AHCTF1: variants seen among roughly 807,000 people sequenced by gnomAD.
AHCTF1 encodes AT-hook containing transcription factor 1.
Under a neutral mutation model 248.4 loss-of-function variants are expected in AHCTF1, and 24 were observed. That is an observed-to-expected ratio of 0.10 (90% CI 0.07 to 0.14). The LOEUF is 0.14. Ranked by LOEUF, AHCTF1 falls within the 10% of genes least tolerant of loss-of-function variation. The pLI is 1.00. For missense variants in AHCTF1, 2,206 were observed against 2,636.2 expected (o/e 0.84, Z 3.57); for synonymous variants, 786 against 929.8 (o/e 0.85, Z 2.81).
rs541446107 is a variant in AHCTF1 at position 246,901,828 on chromosome 1, C to G, written c.1117+697G>C. Among the ~76,000 whole-genome samples, 299 of 152,136 alleles carry G rather than the reference C, an allele frequency of 2.0e-3. 2 individuals carry two copies. Among genetic ancestry groups the G allele is most frequent in the Middle Eastern group, 3.4e-3 (1 of 292 alleles). On this transcript the variant is annotated intron_variant, in intron 8 of 35. Transcript: ENST00000648844. Reference sequence around the variant, plus strand: ...GGGCATCAGAGTGAGACCCCTGTCTCTAAATAAATAAACAAATAAAAACTT... The same window carrying G: ...GGGCATCAGAGTGAGACCCCTGTCTGTAAATAAATAAACAAATAAAAACTT...
chr1:246,869,246 A>G (rs745634334), intron 24 of AHCTF1, among the ~76,000 whole-genome samples: 23 of 151,974 alleles, frequency 1.5e-4, no homozygotes, highest in Non-Finnish European at 2.8e-4. Flanking sequence ...TCCACTGACT[A>G]ACTGTTCCCC....
chr1:246,851,754 C>G (rs1660733062), intron 32 of AHCTF1, among the ~76,000 whole-genome samples: 1 of 152,162 alleles, frequency 6.6e-6, no homozygotes, highest in African/African-American at 2.4e-5. Context: ...CATTTAAGGA[C>G]TTATTCTATT....
At chr1:246,866,167 T>C (rs972888051) in intron 26 of AHCTF1, among the ~76,000 whole-genome samples, 3 of 152,168 alleles carry the variant, frequency 2.0e-5, no homozygotes, top group African/African-American at 7.2e-5. Context: ...CTCAACTGGC[T>C]CTCTTACATC....
At position 246,931,436 on chromosome 1, in the gene AHCTF1, C is replaced by G. The variant is rs1667352509; in HGVS notation, c.-8+142G>C. ...CCCCTCGAGCCCCATCCGTTGGCCCCGCGCACGCCCGGCCTAGGCCCGGCG... is the reference window on the plus strand; with the variant it reads ...CCCCTCGAGCCCCATCCGTTGGCCCGGCGCACGCCCGGCCTAGGCCCGGCG... On this transcript the variant is annotated intron_variant, in intron 1 of 35. Transcript: ENST00000648844. 1.5e-5 allele frequency: 21 copies of G among 1,375,398 alleles called. No individual in the cohort carries two copies. The South Asian group carries it at 3.2e-4, about 21-fold the overall frequency. The allele number at this position is 1,375,398 out of a possible 1,614,324, so 85.2% of individuals were successfully genotyped here.
intron 33 of AHCTF1, among the ~76,000 whole-genome samples, chr1:246,845,137 C>T (rs7549408): frequency 0.18 from 26,935 of 152,136 alleles, 4,072 homozygotes; most frequent in African/African-American, 0.41. Context: ...GTTCATGTTA[C>T]TTCAGCTACT....
Position 246,885,659 on chromosome 1 carries a change from G to A in AHCTF1, c.2494C>T (p.His832Tyr), listed in dbSNP as rs765583218. ...DYESGLDLLF[H>Y]PATAKPLSWQ... ...GACAAAGGTTTTGCAGTAGCTGGAT[G>A]AAACAAAAGATCCAAACCACTCTGG... The change falls in exon 21 of 36, where the codon CAT (histidine) becomes TAT (tyrosine). Residue 832 changes from histidine (H) to tyrosine (Y), a missense_variant. Around this residue, in one of 6 missense-constraint regions of AHCTF1, gnomAD observed 650 missense variants for 870.8 expected, o/e 0.75. Coordinates refer to ENST00000648844, the MANE Select transcript of AHCTF1 (RefSeq NM_001323342.2). 5 of 1,599,138 alleles carry A rather than the reference G, an allele frequency of 3.1e-6. No homozygotes were observed. The highest frequency in any genetic ancestry group is 1.1e-5 in the South Asian group (1 of 90,572).
chr1:246,916,407 A>C lies in AHCTF1; in HGVS notation c.122-12T>G. On this transcript the variant is annotated splice_polypyrimidine_tract_variant and intron_variant, in intron 2 of 35. Transcript: ENST00000648844. ...AAGTCCATTTTTCCCTAGAAGAAAA[A>C]AAAATTGCCTATTTTAATATTGTAT... 6.2e-7 allele frequency: 1 copy of C among 1,601,400 alleles called. No individual in the cohort carries two copies. Among genetic ancestry groups the C allele is most frequent in the Non-Finnish European group, 8.5e-7 (1 of 1,175,588 alleles).
intron 1 of AHCTF1, among the ~76,000 whole-genome samples, chr1:246,928,406 A>T (rs1667104400): frequency 6.6e-6 from 1 of 152,174 alleles, no homozygotes; most frequent in Non-Finnish European, 1.5e-5. Context: ...TGGGCATTCG[A>T]CAAGGTCACA....
At chr1:246,890,621 C>T (rs902497956) in intron 16 of AHCTF1, among the ~76,000 whole-genome samples, 1 of 151,944 alleles carries the variant, frequency 6.6e-6, no homozygotes, top group Non-Finnish European at 1.5e-5. Flanking sequence ...TACCAGGAAA[C>T]AGGAAAACTG....
chr1:246,923,108 C>CAAAAAAAAAA (rs34474643), intron 1 of AHCTF1, among the ~76,000 whole-genome samples: 1 of 111,898 alleles, frequency 8.9e-6, no homozygotes. Flanking sequence ...CAAATAATAC[C>CAAAAAAAAAA]AAAAAAAAAA....
intron 29 of AHCTF1, 143 bp from the exon 30 acceptor site, chr1:246,857,957 C>CTTT (rs374963100): frequency 8.8e-6 from 4 of 454,920 alleles, no homozygotes; most frequent in South Asian, 3.1e-5. Flanking sequence ...ACTGCTAACA[C>CTTT]TTTCTTCTTT....
chr1:246,930,104 AAAAC>A (rs1667239274), intron 1 of AHCTF1, among the ~76,000 whole-genome samples: 1 of 151,944 alleles, frequency 6.6e-6, no homozygotes, highest in Non-Finnish European at 1.5e-5. Context: ...GCATAAAAAG[AAAAC>A]AAAAGTCTCA....
chr1:246,866,913 GATTAATCTGTA>G (rs1354600232), intron 26 of AHCTF1, among the ~76,000 whole-genome samples: 1 of 152,086 alleles, frequency 6.6e-6, no homozygotes, highest in Non-Finnish European at 1.5e-5. Flanking sequence ...AGCTACCCAA[GATTAATCTGTA>G]ATTAAGTATA....
Position 246,907,533 on chromosome 1 carries a change from GA to G in AHCTF1, c.764+17del. 1.2e-6 allele frequency: 2 copies of G among 1,605,274 alleles called. No homozygotes were observed. The highest frequency in any genetic ancestry group is 1.7e-5 in the Admixed American group (1 of 58,270). ...AAAAACTACCTATAATCAAATAAGG[GA>G]AAAAAGTTATACTTACTCTCTTTTC... On this transcript the variant is annotated intron_variant, in intron 5 of 35. Transcript: ENST00000648844.
intron 8 of AHCTF1, among the ~76,000 whole-genome samples, chr1:246,901,603 G>C (rs1438685372): frequency 6.6e-6 from 1 of 152,016 alleles, no homozygotes; most frequent in Non-Finnish European, 1.5e-5. Context: ...GACAGAGCGA[G>C]ACTCCATCTC....
intron 25 of AHCTF1, 110 bp downstream of exon 25, chr1:246,867,551 T>C (rs958991826): frequency 2.2e-6 from 3 of 1,385,046 alleles, no homozygotes; most frequent in Non-Finnish European, 3.0e-6. Context: ...TTTTTCTTTT[T>C]TACATACACT....
chr1:246,895,446 TACAC>T (rs1664507476), intron 13 of AHCTF1, among the ~76,000 whole-genome samples: 1 of 152,210 alleles, frequency 6.6e-6, no homozygotes, highest in African/African-American at 2.4e-5. Context: ...GTAACAGTGA[TACAC>T]ACAACAATTT....
At chr1:246,928,220 A>G (rs1403484046) in intron 1 of AHCTF1, among the ~76,000 whole-genome samples, 1 of 149,258 alleles carries the variant, frequency 6.7e-6, no homozygotes, top group Non-Finnish European at 1.5e-5. Flanking sequence ...GGAGAATGGC[A>G]TGAACCCGGG....
chr1:246,876,317 C>A, intron 23 of AHCTF1, 130 bp from the exon 24 acceptor site: 1 of 769,808 alleles, frequency 1.3e-6, no homozygotes, highest in Non-Finnish European at 1.9e-6. Context: ...TCCATTTTTC[C>A]AAACCAAGAA....
Sources: gnomAD v4.1 joint callset for allele counts (sites outside exome capture counted in the v4.1 genomes callset) on GRCh38, gnomAD v4.1.1 for gene constraint, gnomAD v4.1.1 regional missense constraint, MANE v1.5 for transcripts, NCBI Gene and HGNC (gene_info 2026-07-23, HGNC 2026-07-21) for gene names.